Variants in PRKAR2A observed in about 807,000 individuals in gnomAD.
PRKAR2A encodes the protein cAMP-dependent protein kinase type II-alpha regulatory subunit.
Under a neutral mutation model 51.9 loss-of-function variants are expected in PRKAR2A, and 29 were observed. The ratio of observed to expected loss-of-function variants is 0.56; its 90% confidence interval spans 0.42 to 0.76. The LOEUF is 0.76. PRKAR2A is among the 30% of genes least tolerant of loss of function. PRKAR2A has a pLI of 0.00. For synonymous variants in PRKAR2A, 178 were observed against 186.2 expected (o/e 0.96, Z 0.36); for missense variants, 445 against 512.1 (o/e 0.87, Z 1.26).
chr3:48,764,775 C>T (rs2081912979), intron 8 of PRKAR2A, among the ~76,000 whole-genome samples: 1 of 152,172 alleles, frequency 6.6e-6, no homozygotes, highest in African/African-American at 2.4e-5. Flanking sequence ...CAGGCATGGG[C>T]CACCACACCC....
At chr3:48,787,436 T>C (rs1212677207) in intron 4 of PRKAR2A, among the ~76,000 whole-genome samples, 1 of 152,124 alleles carries the variant, frequency 6.6e-6, no homozygotes, top group African/African-American at 2.4e-5. Context: ...TCCTCCCTCC[T>C]TGGCTTCCCA....
intron 1 of PRKAR2A, among the ~76,000 whole-genome samples, chr3:48,837,156 A>T (rs1006282199): frequency 6.6e-5 from 10 of 152,076 alleles, no homozygotes; most frequent in African/African-American, 2.4e-4. Flanking sequence ...AAAATTAGCC[A>T]GGTATGAAAA....
At chr3:48,837,927 C>T (rs2083309988) in intron 1 of PRKAR2A, among the ~76,000 whole-genome samples, 1 of 152,148 alleles carries the variant, frequency 6.6e-6, no homozygotes, top group Non-Finnish European at 1.5e-5. Flanking sequence ...GCCTGGAATC[C>T]CAGCACTTTG....
At position 48,750,570 on chromosome 3, in the gene PRKAR2A, A is replaced by C. The variant is rs1315892166; in HGVS notation, c.*1015T>G. On this transcript the variant is annotated 3_prime_UTR_variant, in exon 11 of 11. Coordinates refer to ENST00000265563, the MANE Select transcript of PRKAR2A (RefSeq NM_004157.4). ...AAGAGTTTAAAAATTGATCGGTTCA[A>C]TGGCAAAGCTACACAACAACTCTGG... 2.0e-5 allele frequency: 3 copies of C among 152,354 alleles called. No individual in the cohort carries two copies. The highest frequency in any genetic ancestry group is 3.8e-4 in the East Asian group (2 of 5,200). The allele number at this position is 152,354 out of a possible 1,614,324, so 9.4% of individuals were successfully genotyped here.
intron 5 of PRKAR2A, among the ~76,000 whole-genome samples, chr3:48,778,523 T>C (rs2082139983): frequency 6.6e-6 from 1 of 151,988 alleles, no homozygotes. Flanking sequence ...TGTTTTTGTT[T>C]TGTTTTGTTT....
chr3:48,828,452 C>T (rs1156470979), intron 1 of PRKAR2A, among the ~76,000 whole-genome samples: 1 of 151,796 alleles, frequency 6.6e-6, no homozygotes, highest in Non-Finnish European at 1.5e-5. Context: ...GAATGGTGGC[C>T]CACACTTGTA....
chr3:48,751,381 C>T lies in PRKAR2A; in HGVS notation c.*204G>A. 1.3e-6 allele frequency: 1 copy of T among 751,550 alleles called. No homozygotes were observed. Among genetic ancestry groups the T allele is most frequent in the Non-Finnish European group, 2.3e-6 (1 of 433,142 alleles). The allele number at this position is 751,550 out of a possible 1,614,324, so 46.6% of individuals were successfully genotyped here. The stretch of plus-strand genomic sequence containing the variant: ...ACAAGTGGTCTAATGAATGGGCCTT[C>T]AGAAGCAAAGTGGAGGTGTGGGTTG... On this transcript the variant is annotated 3_prime_UTR_variant, in exon 11 of 11. Transcript: ENST00000265563.
At chr3:48,810,286 A>G (rs2082751071) in intron 1 of PRKAR2A, among the ~76,000 whole-genome samples, 1 of 152,172 alleles carries the variant, frequency 6.6e-6, no homozygotes, top group African/African-American at 2.4e-5. Flanking sequence ...ATTTGTGTAT[A>G]CAATCATCCC....
rs1335583637 is a variant in PRKAR2A at position 48,751,223 on chromosome 3, T to G, written c.*362A>C. On this transcript the variant is annotated 3_prime_UTR_variant, in exon 11 of 11. Coordinates refer to ENST00000265563, the MANE Select transcript of PRKAR2A (RefSeq NM_004157.4). ...GGTTTCTGCAGACCCTGTGGTAACT[T>G]CCAAAAGCAAGAGTAGCAGCAAGAG... The G allele has an allele frequency of 2.2e-6, 1 of 455,422 alleles. No homozygotes were observed. The highest frequency in any genetic ancestry group is 4.4e-6 in the Non-Finnish European group (1 of 228,762). The allele number at this position is 455,422 out of a possible 1,614,324, so 28.2% of individuals were successfully genotyped here.
At chr3:48,816,778 A>G (rs2082881325) in intron 1 of PRKAR2A, among the ~76,000 whole-genome samples, 1 of 152,218 alleles carries the variant, frequency 6.6e-6, no homozygotes, top group African/African-American at 2.4e-5. Flanking sequence ...CAGGGCAACC[A>G]CAGAGCAAGT....
At chr3:48,830,558 T>C (rs1575945245) in intron 1 of PRKAR2A, among the ~76,000 whole-genome samples, 1 of 152,300 alleles carries the variant, frequency 6.6e-6, no homozygotes, top group South Asian at 2.1e-4. Context: ...TATCATGTAC[T>C]ACAACAGTCC....
chr3:48,791,762 G>T (rs997599335), intron 3 of PRKAR2A, among the ~76,000 whole-genome samples: 5 of 150,846 alleles, frequency 3.3e-5, no homozygotes, highest in African/African-American at 1.2e-4. Context: ...AATTACCCGG[G>T]CATGGTGGCA....
At chr3:48,809,944 C>G (rs1358631858) in intron 1 of PRKAR2A, among the ~76,000 whole-genome samples, 1 of 152,052 alleles carries the variant, frequency 6.6e-6, no homozygotes, top group Non-Finnish European at 1.5e-5. Flanking sequence ...CATCTGTTCT[C>G]CCTCCCACTT....
At position 48,794,010 on chromosome 3, in the gene PRKAR2A, T is replaced by C. The variant is rs745337551; in HGVS notation, c.338A>G (p.Asp113Gly). The C allele has an allele frequency of 4.4e-6, 7 of 1,604,938 alleles. No homozygotes were observed. Among genetic ancestry groups the C allele is most frequent in the Non-Finnish European group, 6.0e-6 (7 of 1,171,826 alleles). Reference sequence around the variant, plus strand: ...TTTGGGTCTTACCCTTGGATCTGTATCTTCCTCTTCCTCATCAGGGTTATA... The same window carrying C: ...TTTGGGTCTTACCCTTGGATCTGTACCTTCCTCTTCCTCATCAGGGTTATA... ...ETYNPDEEEE[D>G]TDPRVIHPKT... The change falls in exon 3 of 11, where the codon GAT becomes GGT. Residue 113 changes from aspartate to glycine, a missense_variant. Asp to Gly is a moderately conservative substitution (Grantham distance 94). Coordinates refer to ENST00000265563, the MANE Select transcript of PRKAR2A (RefSeq NM_004157.4).
chr3:48,788,686 G>T (rs915033725), intron 4 of PRKAR2A, among the ~76,000 whole-genome samples: 2 of 152,090 alleles, frequency 1.3e-5, no homozygotes, highest in African/African-American at 4.8e-5. Flanking sequence ...AGGAAACCCT[G>T]AGAGCTCCCT....
intron 1 of PRKAR2A, among the ~76,000 whole-genome samples, chr3:48,816,742 T>TCA (rs1219796232): frequency 2.0e-5 from 3 of 152,230 alleles, no homozygotes; most frequent in Admixed American, 6.5e-5. Context: ...AAAGCAATGT[T>TCA]CACCTCACCT....
chr3:48,845,983 A>C (rs1251212871), intron 1 of PRKAR2A, among the ~76,000 whole-genome samples: 1 of 151,792 alleles, frequency 6.6e-6, no homozygotes, highest in African/African-American at 2.4e-5. Context: ...TGGATCACCA[A>C]ATCTGTGAGG....
intron 5 of PRKAR2A, among the ~76,000 whole-genome samples, chr3:48,774,142 T>A (rs192724664): frequency 6.6e-5 from 10 of 152,150 alleles, no homozygotes; most frequent in Non-Finnish European, 1.0e-4. Context: ...CTAATTTTTT[T>A]TCTTTTATTA....
chr3:48,753,287 C>T (rs1384138764), intron 9 of PRKAR2A, among the ~76,000 whole-genome samples: 5 of 151,116 alleles, frequency 3.3e-5, no homozygotes, highest in Admixed American at 3.3e-4. Context: ...ATATTAATAT[C>T]TAGAGGTTTT....
Sources: gnomAD v4.1 joint callset for allele counts (sites outside exome capture counted in the v4.1 genomes callset) on GRCh38, gnomAD v4.1.1 for gene constraint, MANE v1.5 for transcripts, NCBI Gene and HGNC (gene_info 2026-07-23, HGNC 2026-07-21) for gene names.